BBX: variants seen among roughly 807,000 people sequenced by gnomAD.
BBX encodes the protein HMG box transcription factor BBX.
In BBX, 30 loss-of-function variants were observed where a neutral mutation model predicts 100.2. The ratio of observed to expected loss-of-function variants is 0.30; its 90% CI spans 0.22 to 0.41. BBX has a LOEUF of 0.41. BBX is among the 10% of genes least tolerant of loss of function. The pLI is 1.00. For synonymous variants in BBX, 376 were observed against 388.1 expected (o/e 0.97, Z 0.37); for missense variants, 1,023 against 1,129.8 (o/e 0.91, Z 1.35).
At chr3:107,670,698 T>G (rs2058974741) in intron 3 of BBX, among the ~76,000 whole-genome samples, 1 of 152,128 alleles carries the variant, frequency 6.6e-6, no homozygotes, top group Non-Finnish European at 1.5e-5. Flanking sequence ...AATATAAAAA[T>G]GTTGAATACA....
intron 5 of BBX, among the ~76,000 whole-genome samples, chr3:107,718,990 T>G (rs768940105): frequency 5.3e-5 from 8 of 152,104 alleles, no homozygotes; most frequent in Non-Finnish European, 1.2e-4. Context: ...TCTAAATGGT[T>G]TTGCAGTTAC....
chr3:107,561,944 T>C (rs1220566798), intron 2 of BBX, among the ~76,000 whole-genome samples: 2 of 152,360 alleles, frequency 1.3e-5, no homozygotes, highest in African/African-American at 4.8e-5. Flanking sequence ...GGAAAAGACT[T>C]GATAGCACAA....
At chr3:107,690,892 C>CTTTTTTTTTTTTTTTTTTTTT (rs66523709) in intron 3 of BBX, among the ~76,000 whole-genome samples, 1 of 41,190 alleles carries the variant, frequency 2.4e-5, no homozygotes, top group East Asian at 9.6e-4. Context: ...GCCCCCCCCC[C>CTTTTTTTTTTTTTTTTTTTTT]TTTTTTTTTT....
chr3:107,633,357 A>G (rs1277480525), intron 2 of BBX, among the ~76,000 whole-genome samples: 2 of 152,162 alleles, frequency 1.3e-5, no homozygotes, highest in Admixed American at 6.5e-5. Context: ...TACTATCTTT[A>G]AATTAGAAAC....
intron 2 of BBX, among the ~76,000 whole-genome samples, chr3:107,598,471 C>A (rs887025346): frequency 6.6e-6 from 1 of 152,112 alleles, no homozygotes; most frequent in African/African-American, 2.4e-5. Context: ...TCTAAAATAG[C>A]TTAATATAGG....
At chr3:107,604,872 G>A (rs1431056062) in intron 2 of BBX, among the ~76,000 whole-genome samples, 2 of 151,958 alleles carry the variant, frequency 1.3e-5, no homozygotes, top group Admixed American at 6.6e-5. Flanking sequence ...TTTATTACAT[G>A]TATACAGCAG....
intron 10 of BBX, among the ~76,000 whole-genome samples, chr3:107,756,761 C>T (rs2065509342): frequency 1.3e-5 from 2 of 152,024 alleles, no homozygotes; most frequent in African/African-American, 4.8e-5. Context: ...CAAGTTGAGA[C>T]CAAAATAGAG....
intron 2 of BBX, among the ~76,000 whole-genome samples, chr3:107,535,837 G>A (rs1041657553): frequency 3.9e-5 from 6 of 152,292 alleles, no homozygotes; most frequent in Admixed American, 1.3e-4. Flanking sequence ...GGCCTCAAGT[G>A]ATCCACCTGC....
chr3:107,592,401 G>C (rs972606532), intron 2 of BBX, among the ~76,000 whole-genome samples: 49 of 142,064 alleles, frequency 3.4e-4, no homozygotes, highest in African/African-American at 1.2e-3. Flanking sequence ...TAAGATGACT[G>C]TATGTTCTTT....
chr3:107,697,725 C>A (rs942241943), intron 3 of BBX, among the ~76,000 whole-genome samples: 1 of 151,768 alleles, frequency 6.6e-6, no homozygotes, highest in African/African-American at 2.4e-5. Context: ...TGGGCTCCAC[C>A]CAGTTCGAGC....
At chr3:107,784,043 AT>A (rs1486427440) in intron 13 of BBX, among the ~76,000 whole-genome samples, 1 of 152,010 alleles carries the variant, frequency 6.6e-6, no homozygotes, top group African/African-American at 2.4e-5. Context: ...TAAGAGCTTT[AT>A]TTGTTCATGG....
At chr3:107,798,000 A>G (rs7634587) in intron 15 of BBX, among the ~76,000 whole-genome samples, 46,509 of 152,140 alleles carry the variant, frequency 0.31, 8,118 homozygotes, top group Middle Eastern at 0.53. Flanking sequence ...TGCACAGTCA[A>G]TCTACATGAA....
intron 16 of BBX, among the ~76,000 whole-genome samples, chr3:107,799,597 G>A (rs1000892069): frequency 1.8e-4 from 27 of 151,138 alleles, no homozygotes; most frequent in Admixed American, 1.5e-3. Flanking sequence ...TCTGCTGTTC[G>A]GGTCACTACA....
intron 7 of BBX, among the ~76,000 whole-genome samples, chr3:107,736,548 C>T (rs1299559461): frequency 5.9e-5 from 9 of 151,830 alleles, no homozygotes; most frequent in Non-Finnish European, 1.3e-4. Context: ...TTTTATACCA[C>T]AGAGTTATCT....
intron 2 of BBX, among the ~76,000 whole-genome samples, chr3:107,598,097 A>G (rs963765917): frequency 6.6e-6 from 1 of 152,198 alleles, no homozygotes. Flanking sequence ...TTGGAAAACC[A>G]TGTGCTTCCA....
At chr3:107,754,651 G>A (rs1361656919) in intron 9 of BBX, among the ~76,000 whole-genome samples, 1 of 152,144 alleles carries the variant, frequency 6.6e-6, no homozygotes. Flanking sequence ...GGGATCTGTG[G>A]TCACCTTTAA....
In BBX at chr3:107,809,981, G is replaced by A. The variant is rs1460543552; in HGVS notation, c.*4524G>A. On this transcript the variant is annotated 3_prime_UTR_variant, in exon 18 of 18. Coordinates refer to ENST00000325805, the MANE Select transcript of BBX (RefSeq NM_001142568.3). Reference sequence around the variant, plus strand: ...CATCTTACCAGATGTGTCTGGCGAAGTATTCAGGGTTTGATGGACTGCTTT... The same window carrying A: ...CATCTTACCAGATGTGTCTGGCGAAATATTCAGGGTTTGATGGACTGCTTT... 6.6e-6 allele frequency: 1 copy of A among 152,150 alleles called. No homozygotes were observed. 9.4% of individuals were successfully genotyped at this position (152,150 alleles called of 1,614,324 possible).
intron 3 of BBX, among the ~76,000 whole-genome samples, chr3:107,650,772 A>G (rs1354321837): frequency 6.6e-6 from 1 of 152,196 alleles, no homozygotes; most frequent in Non-Finnish European, 1.5e-5. Context: ...TAGAGGTTGT[A>G]TTAGTTTGCT....
At chr3:107,610,853 CAT>C (rs146070425) in intron 2 of BBX, among the ~76,000 whole-genome samples, 29,386 of 151,328 alleles carry the variant, frequency 0.19, 3,075 homozygotes, top group African/African-American at 0.27. Flanking sequence ...ATTTACATCA[CAT>C]GTTATTATTG....
Sources: allele counts gnomAD v4.1 joint callset (sites outside exome capture counted in the v4.1 genomes callset), GRCh38; gene constraint gnomAD v4.1.1; transcripts MANE v1.5; gene names NCBI Gene and HGNC (gene_info 2026-07-23, HGNC 2026-07-21).